Variants in CACNA1C observed in about 807,000 individuals in gnomAD.
The protein encoded by CACNA1C is voltage-dependent L-type calcium channel subunit alpha-1C.
In CACNA1C, 30 loss-of-function variants were observed where a neutral mutation model predicts 229.0. The observed-to-expected ratio is 0.13, with a 90% CI of 0.10 to 0.18. The LOEUF (loss-of-function observed/expected upper bound fraction) is 0.18, where lower values mean the gene tolerates loss of function less well. Ranked by LOEUF, CACNA1C falls within the 10% of genes least tolerant of loss-of-function variation. The pLI is 1.00. For synonymous variants in CACNA1C, 1,114 were observed against 1,132.5 expected (o/e 0.98, Z 0.33); for missense variants, 1,658 against 2,845.0 (o/e 0.58, Z 9.49).
intron 3 of CACNA1C, among the ~76,000 whole-genome samples, chr12:2,336,038 AAAC>A (rs1414845235): frequency 9.2e-5 from 14 of 151,948 alleles, no homozygotes; most frequent in African/African-American, 1.4e-4. Flanking sequence ...AAAAAAAAAA[AAAC>A]AAACCCTAAG....
intron 3 of CACNA1C, among the ~76,000 whole-genome samples, chr12:2,362,669 T>C (rs186638641): frequency 7.9e-5 from 12 of 152,330 alleles, no homozygotes; most frequent in African/African-American, 2.9e-4. Flanking sequence ...AGTGTTTTGA[T>C]GGAGAAAGCT....
At position 2,038,495 on chromosome 12, in the gene CACNA1C, C is replaced by G. The variant is rs936741460; in HGVS notation, c.139+67294C>G. 2.6e-5 allele frequency among the ~76,000 whole-genome samples: 4 copies of G among 152,306 alleles called. No homozygotes were observed. In the South Asian group the frequency reaches 8.3e-4, roughly 32 times the overall value. ...ACACTGAATTCTTAGTGCTGCTTCTCAGATACTTCTTTCTTATCTTTATTA... is the reference window on the plus strand; with the variant it reads ...ACACTGAATTCTTAGTGCTGCTTCTGAGATACTTCTTTCTTATCTTTATTA... On this transcript the variant is annotated intron_variant, in intron 1 of 46. Coordinates refer to the CACNA1C transcript ENST00000682462.
At chr12:2,171,976 C>T (rs995194009) in intron 3 of CACNA1C, among the ~76,000 whole-genome samples, 1 of 152,104 alleles carries the variant, frequency 6.6e-6, no homozygotes, top group Non-Finnish European at 1.5e-5. Flanking sequence ...GACCACAGGG[C>T]CCTATGGGAG....
Position 1,996,658 on chromosome 12 carries a change from AC to A in CACNA1C, c.139+25458del, listed in dbSNP as rs1327089884. 4.7e-3 allele frequency among the ~76,000 whole-genome samples: 351 copies of A among 73,966 alleles called. 27 individuals carry two copies. The highest frequency in any genetic ancestry group is 6.3e-3 in the Non-Finnish European group (231 of 36,774). 48.5% of individuals were successfully genotyped at this position (73,966 alleles called of 152,430 possible). On this transcript the variant is annotated intron_variant, in intron 1 of 46. Transcript: ENST00000682462. Reference sequence around the variant, plus strand: ...AAAAAAAAAAAAAAAAAAAAAAACAACAAACTCTTCTAATGTTTTAAAGAAG... The same window carrying A: ...AAAAAAAAAAAAAAAAAAAAAAACAAAAACTCTTCTAATGTTTTAAAGAAG...
Position 2,100,492 on chromosome 12 carries a change from A to G in CACNA1C, c.50-14732A>G, listed in dbSNP as rs907985291. Among the ~76,000 whole-genome samples the G allele has an allele frequency of 1.8e-4, 22 of 125,120 alleles. No homozygotes were observed. In the East Asian group the frequency reaches 3.6e-3, roughly 20 times the overall value. 82.1% of individuals were successfully genotyped at this position (125,120 alleles called of 152,430 possible). On this transcript the variant is annotated intron_variant, in intron 1 of 46. Coordinates refer to ENST00000399655, the MANE Select transcript of CACNA1C (RefSeq NM_000719.7). ...AAAAAAAAAAAAACAAAAAAAAAAA[A>G]CAACAAAAATTGGATGGGAGCCTGA...
At chr12:2,460,612 A>G (rs1421437699) in intron 5 of CACNA1C, among the ~76,000 whole-genome samples, 2 of 152,202 alleles carry the variant, frequency 1.3e-5, no homozygotes, top group African/African-American at 4.8e-5. Context: ...CGTGTCTTGT[A>G]GTGGTCAGGA....
At chr12:2,683,920 G>A (rs2097307364) in intron 43 of CACNA1C, among the ~76,000 whole-genome samples, 1 of 152,244 alleles carries the variant, frequency 6.6e-6, no homozygotes, top group Non-Finnish European at 1.5e-5. Context: ...GAGCCCCACG[G>A]GGGCCCAGGG....
At chr12:2,570,904 C>T (rs1382124834) in intron 13 of CACNA1C, among the ~76,000 whole-genome samples, 1 of 152,204 alleles carries the variant, frequency 6.6e-6, no homozygotes, top group African/African-American at 2.4e-5. Flanking sequence ...CCCTCTCTGA[C>T]CCCATCGAAA....
intron 3 of CACNA1C, among the ~76,000 whole-genome samples, chr12:2,128,474 G>A (rs1219187983): frequency 6.6e-6 from 1 of 151,930 alleles, no homozygotes; most frequent in Non-Finnish European, 1.5e-5. Flanking sequence ...GCAGTGGCGC[G>A]ATCTCGGCTC....
chr12:2,628,768 G>A (rs1568917032), intron 29 of CACNA1C, among the ~76,000 whole-genome samples: 1 of 152,104 alleles, frequency 6.6e-6, no homozygotes, highest in Non-Finnish European at 1.5e-5. Context: ...CAATTAGAGG[G>A]GCGTAGTACT....
At position 2,053,382 on chromosome 12, in the gene CACNA1C, G is replaced by A. The variant is rs112412740; in HGVS notation, c.-181G>A. 2.3e-3 allele frequency: 3,215 copies of A among 1,380,338 alleles called. 10 individuals carry two copies. The highest frequency in any genetic ancestry group is 3.3e-3 in the Admixed American group (113 of 34,364). 85.5% of individuals were successfully genotyped at this position (1,380,338 alleles called of 1,614,324 possible). A position where few individuals can be genotyped will look rare whatever the true frequency, so the allele number is the denominator to read the frequency against. ...AAAGGAGCAGTTTTTGGGGTTTGATGCCATAATGGGAATCAGGTAATCGTC... is the reference window on the plus strand; with the variant it reads ...AAAGGAGCAGTTTTTGGGGTTTGATACCATAATGGGAATCAGGTAATCGTC... On this transcript the variant is annotated 5_prime_UTR_variant, in exon 1 of 47. An upstream start codon of the reference 5' UTR is lost. Coordinates refer to ENST00000399655, the MANE Select transcript of CACNA1C (RefSeq NM_000719.7). This position sits in a 1 kb window ranked among gnomAD's most constrained non-coding sequence, Gnocchi z 5.8.
chr12:2,403,917 T>C lies in CACNA1C; in HGVS notation c.478-45059T>C, dbSNP rs2098706945. 6.6e-6 allele frequency among the ~76,000 whole-genome samples: 1 copy of C among 152,170 alleles called. No individual in the cohort carries two copies. On this transcript the variant is annotated intron_variant, in intron 3 of 46. Transcript: ENST00000399655. The surrounding 1 kb of genome is among the most constrained non-coding windows in gnomAD (Gnocchi z 4.1). Reference sequence around the variant, plus strand: ...CCTGTTTCCACCTAGAGGAAAGACTTAATGATTCTCACCCTTGAAAGTGTG... The same window carrying C: ...CCTGTTTCCACCTAGAGGAAAGACTCAATGATTCTCACCCTTGAAAGTGTG...
At chr12:2,036,183 G>A (rs1389376161) in intron 1 of CACNA1C, among the ~76,000 whole-genome samples, 4 of 152,196 alleles carry the variant, frequency 2.6e-5, no homozygotes, top group Admixed American at 2.6e-4. Context: ...GCATTGAAAA[G>A]CGTGTAGCTG....
At chr12:2,161,462 C>T (rs963122462) in intron 3 of CACNA1C, among the ~76,000 whole-genome samples, 2 of 152,110 alleles carry the variant, frequency 1.3e-5, no homozygotes, top group South Asian at 2.1e-4. Context: ...GTGGAGGTGC[C>T]GGTGTGGCTG....
intron 15 of CACNA1C, among the ~76,000 whole-genome samples, chr12:2,583,462 C>G (rs1365236645): frequency 6.6e-6 from 1 of 152,204 alleles, no homozygotes; most frequent in African/African-American, 2.4e-5. Context: ...CCTTCCTGAT[C>G]CCGGCTGGGG....
At chr12:2,202,403 C>A (rs2154321491) in intron 3 of CACNA1C, among the ~76,000 whole-genome samples, 1 of 152,358 alleles carries the variant, frequency 6.6e-6, no homozygotes, top group East Asian at 1.9e-4. Flanking sequence ...ACGTTTAGGT[C>A]TTTATCTCAG....
rs2095300618 is a variant in CACNA1C, at chr12:2,654,455, C to T, written c.4140+555C>T. On this transcript the variant is annotated intron_variant, in intron 33 of 46. Coordinates refer to ENST00000399655, the MANE Select transcript of CACNA1C (RefSeq NM_000719.7). This position sits in a 1 kb window ranked among gnomAD's most constrained non-coding sequence, Gnocchi z 4.4. ...CAGGTGCCCACTGCACCATTCACCGCAAACCTAGGGCTCTCCATTCCCGTC... is the reference window on the plus strand; with the variant it reads ...CAGGTGCCCACTGCACCATTCACCGTAAACCTAGGGCTCTCCATTCCCGTC... Among the ~76,000 whole-genome samples the T allele has an allele frequency of 6.6e-6, 1 of 152,202 alleles. No homozygotes were observed. The highest frequency in any genetic ancestry group is 2.4e-5 in the African/African-American group (1 of 41,456).
rs144153253 is a variant in CACNA1C at position 2,109,796 on chromosome 12, T to C, written c.50-5428T>C. 7.9e-5 allele frequency among the ~76,000 whole-genome samples: 12 copies of C among 152,242 alleles called. No individual in the cohort carries two copies. In the East Asian group the frequency reaches 2.1e-3, roughly 27 times the overall value. On this transcript the variant is annotated intron_variant, in intron 1 of 46. Transcript: ENST00000399655. ...GTGGCCTGGACTAGGATGGAGATCT[T>C]CCTCACAACCCCTTTCCTTAGAACT...
At chr12:2,437,991 G>C (rs1021551742) in intron 3 of CACNA1C, among the ~76,000 whole-genome samples, 1 of 151,066 alleles carries the variant, frequency 6.6e-6, no homozygotes, top group Non-Finnish European at 1.5e-5. Context: ...TGGTGATGAT[G>C]GTGGTGGTGG....
Sources: gnomAD v4.1 joint callset for allele counts (sites outside exome capture counted in the v4.1 genomes callset) on GRCh38, gnomAD v4.1.1 for gene constraint, Gnocchi (gnomAD v3.1) non-coding constraint, MANE v1.5 for transcripts, NCBI Gene and HGNC (gene_info 2026-07-23, HGNC 2026-07-21) for gene names.